SLC6A7: variants seen among roughly 807,000 people sequenced by gnomAD.
SLC6A7 encodes solute carrier family 6 member 7, also known as sodium-dependent proline transporter.
Under a neutral mutation model 73.1 loss-of-function variants are expected in SLC6A7, and 58 were observed. The observed-to-expected ratio is 0.79, with a 90% CI of 0.64 to 0.99. The LOEUF (loss-of-function observed/expected upper bound fraction) is 0.99. Among genes scored for constraint, SLC6A7 ranks in the 50% least tolerant of loss-of-function variants. SLC6A7 has a pLI of 0.00. For missense variants in SLC6A7, 783 were observed against 831.4 expected (o/e 0.94, Z 0.72); for synonymous variants, 338 against 338.7 (o/e 1.00, Z 0.02).
Position 150,190,079 on chromosome 5 carries a change from G to A in SLC6A7, c.-249G>A, listed in dbSNP as rs1752697245. 1 of 413,626 alleles carries A rather than the reference G, an allele frequency of 2.4e-6. No homozygotes were observed. The highest frequency in any genetic ancestry group is 2.1e-5 in the African/African-American group (1 of 47,476). 25.6% of individuals were successfully genotyped at this position (413,626 alleles called of 1,614,324 possible). A position where few individuals can be genotyped will look rare whatever the true frequency, so the allele number is the denominator to read the frequency against. On this transcript the variant is annotated 5_prime_UTR_variant, in exon 1 of 14. In the 5' UTR this introduces an upstream ATG that the reference lacks. Coordinates refer to ENST00000230671, the MANE Select transcript of SLC6A7 (RefSeq NM_014228.5). ...GTCCGTCCGTCAGCTGTCTGTCTGGGTGTCTATGCGGGCGCAGCAGTGCAC... is the reference window on the plus strand; with the variant it reads ...GTCCGTCCGTCAGCTGTCTGTCTGGATGTCTATGCGGGCGCAGCAGTGCAC...
intron 7 of SLC6A7, 64 bp downstream of exon 7, chr5:150,202,514 G>T: frequency 6.2e-7 from 1 of 1,610,416 alleles, no homozygotes; most frequent in Non-Finnish European, 8.5e-7. Flanking sequence ...GCTGGCCAGG[G>T]AGGGCCTCAG....
rs1321103618 is a variant in SLC6A7 at position 150,203,008 on chromosome 5, A to G, written c.1087+305A>G. Reference sequence around the variant, plus strand: ...AGAATCGCTTGAACCCGGGAGGTGGAGGTTGCAATGAGCCAAGATTGGGTC... The same window carrying G: ...AGAATCGCTTGAACCCGGGAGGTGGGGGTTGCAATGAGCCAAGATTGGGTC... On this transcript the variant is annotated intron_variant, in intron 8 of 13. Coordinates refer to ENST00000230671, the MANE Select transcript of SLC6A7 (RefSeq NM_014228.5). Among the ~76,000 whole-genome samples the G allele has an allele frequency of 2.7e-5, 4 of 150,504 alleles. No homozygotes were observed. In the East Asian group the frequency reaches 7.8e-4, roughly 29 times the overall value.
chr5:150,205,606 G>C lies in SLC6A7; in HGVS notation c.1684G>C (p.Glu562Gln). Residue 562 changes from glutamate (E) to glutamine (Q), a missense_variant, in exon 13 of 14, where the codon GAG (glutamate) becomes CAG (glutamine). By Grantham distance (29) the Glu-to-Gln change is conservative (BLOSUM62 2). Coordinates refer to ENST00000230671, the MANE Select transcript of SLC6A7 (RefSeq NM_014228.5). ...CATGCTGGTGGCTGTGCTTCGAGAAGAGGGCTCACTCTGGGAGGTGAGTCT... is the reference window on the plus strand; with the variant it reads ...CATGCTGGTGGCTGTGCTTCGAGAACAGGGCTCACTCTGGGAGGTGAGTCT... ...AGMLVAVLRE[E>Q]GSLWERLQQA... is the part of the protein sequence containing the mutation. 1.2e-6 allele frequency: 2 copies of C among 1,611,122 alleles called. No individual in the cohort carries two copies. Among genetic ancestry groups the C allele is most frequent in the Non-Finnish European group, 1.7e-6 (2 of 1,178,672 alleles).
intron 10 of SLC6A7, 34 bp downstream of exon 10, chr5:150,204,072 C>T (rs770299697): frequency 6.9e-6 from 11 of 1,599,992 alleles, no homozygotes; most frequent in African/African-American, 2.7e-5. Flanking sequence ...GGCAGGTGGG[C>T]GGGACAAGGG....
intron 1 of SLC6A7, among the ~76,000 whole-genome samples, chr5:150,192,007 G>A (rs978529585): frequency 1.3e-5 from 2 of 151,844 alleles, no homozygotes; most frequent in African/African-American, 4.8e-5. Context: ...TTACCTGCTG[G>A]CAGGCTAGGC....
At chr5:150,209,323 G>C (rs1753848599) in intron 13 of SLC6A7, 83 bp from the exon 14 acceptor site, 2 of 1,167,056 alleles carry the variant, frequency 1.7e-6, no homozygotes. Flanking sequence ...GTGGTCAGGT[G>C]TTTGCTGGGT....
In SLC6A7 at chr5:150,204,087, C is replaced by T. The variant is rs780678303; in HGVS notation, c.1332+49C>T. ...GGCAGGTGGGCGGGACAAGGGCAGA[C>T]GCCTGCAACGAGATCTCTGGCCCAG... On this transcript the variant is annotated intron_variant, in intron 10 of 13. Coordinates refer to ENST00000230671, the MANE Select transcript of SLC6A7 (RefSeq NM_014228.5). 7.0e-5 allele frequency: 110 copies of T among 1,563,578 alleles called. No individual in the cohort carries two copies. In the Middle Eastern group the frequency reaches 8.9e-4, roughly 13 times the overall value.
Position 150,203,982 on chromosome 5 carries a change from T to A in SLC6A7, c.1276T>A (p.Phe426Ile). The A allele has an allele frequency of 6.2e-7, 1 of 1,613,846 alleles. No homozygotes were observed. The highest frequency in any genetic ancestry group is 1.1e-5 in the South Asian group (1 of 91,036). ...PYYLRPKKAV[F>I]SGLICVAMYL... Reference sequence around the variant, plus strand: ...CTACCTGCGGCCCAAGAAGGCGGTGTTCTCAGGGCTCATCTGCGTGGCCAT... The same window carrying A: ...CTACCTGCGGCCCAAGAAGGCGGTGATCTCAGGGCTCATCTGCGTGGCCAT... The change falls in exon 10 of 14, where the codon TTC (phenylalanine) becomes ATC (isoleucine). Residue 426 changes from phenylalanine to isoleucine, a missense_variant. By Grantham distance (21) the Phe-to-Ile change is conservative. Coordinates refer to ENST00000230671, the MANE Select transcript of SLC6A7 (RefSeq NM_014228.5).
intron 11 of SLC6A7, 21 bp from the exon 12 acceptor site, chr5:150,204,806 C>T: frequency 6.4e-7 from 1 of 1,563,786 alleles, no homozygotes; most frequent in Non-Finnish European, 8.8e-7. Flanking sequence ...GGGGCCATTC[C>T]TCCTCCCCTC....
At chr5:150,199,789 A>G (rs1753274382) in intron 5 of SLC6A7, among the ~76,000 whole-genome samples, 1 of 152,190 alleles carries the variant, frequency 6.6e-6, no homozygotes, top group African/African-American at 2.4e-5. Flanking sequence ...GGGTTCAATC[A>G]GTGTCATCAG....
Position 150,206,110 on chromosome 5 carries a change from C to G in SLC6A7, c.1701+487C>G, listed in dbSNP as rs1219992555. Among the ~76,000 whole-genome samples the G allele has an allele frequency of 2.6e-5, 4 of 152,322 alleles. No individual in the cohort carries two copies. In the East Asian group the frequency reaches 7.7e-4, roughly 29 times the overall value. On this transcript the variant is annotated intron_variant, in intron 13 of 13. Coordinates refer to ENST00000230671, the MANE Select transcript of SLC6A7 (RefSeq NM_014228.5). ...CTCAGACAAACAGAGAGAGTGCACT[C>G]TGCCACAGGGTCTGAGGCCTTGGAA... is the stretch of plus-strand genomic sequence containing the variant.
intron 13 of SLC6A7, among the ~76,000 whole-genome samples, chr5:150,209,112 C>T (rs1753837617): frequency 6.6e-6 from 1 of 152,234 alleles, no homozygotes; most frequent in African/African-American, 2.4e-5. Context: ...GCCTTCACAA[C>T]AACCCTGTGA....
chr5:150,204,705 G>A, intron 11 of SLC6A7, 74 bp downstream of exon 11: 2 of 1,379,268 alleles, frequency 1.5e-6, no homozygotes, highest in Non-Finnish European at 2.1e-6. Context: ...GGGAGCCCCA[G>A]TACCTGGGTC....
Position 150,197,373 on chromosome 5 carries a change from A to T in SLC6A7, c.584+97A>T, listed in dbSNP as rs1580857139. On this transcript the variant is annotated intron_variant, in intron 4 of 13. Transcript: ENST00000230671. ...CACAGTCTCAGCATGTACCGCCAAGATGAGCTCAGGTGGTGATGGCAGGTG... is the reference window on the plus strand; with the variant it reads ...CACAGTCTCAGCATGTACCGCCAAGTTGAGCTCAGGTGGTGATGGCAGGTG... 22 of 773,360 alleles carry T rather than the reference A, an allele frequency of 2.8e-5. No individual in the cohort carries two copies. The East Asian group carries it at 6.0e-4, about 21-fold the overall frequency. 47.9% of individuals were successfully genotyped at this position (773,360 alleles called of 1,614,324 possible).
rs1198890752 is a variant in SLC6A7 at position 150,197,194 on chromosome 5, G to A, written c.502G>A (p.Glu168Lys). The A allele has an allele frequency of 1.9e-6, 3 of 1,613,856 alleles. No individual in the cohort carries two copies. The highest frequency in any genetic ancestry group is 2.5e-6 in the Non-Finnish European group (3 of 1,180,024). ...GNWWNTELCL[E>K]HRVSKDGNGA... ...CTGGTGGAACACAGAACTCTGCCTG[G>A]AGCACAGAGTCTCCAAGGACGGCAA... Residue 168 changes from glutamate (E) to lysine (K), a missense_variant, in exon 4 of 14, where the codon GAG becomes AAG. By Grantham distance (56) the Glu-to-Lys change is moderately conservative (BLOSUM62 1). Transcript: ENST00000230671.
At chr5:150,201,584 T>A (rs1753385795) in intron 6 of SLC6A7, among the ~76,000 whole-genome samples, 1 of 152,204 alleles carries the variant, frequency 6.6e-6, no homozygotes. Context: ...ATACTTCATT[T>A]ATTATTATTA....
At chr5:150,198,041 A>T (rs770469445) in intron 4 of SLC6A7, among the ~76,000 whole-genome samples, 28 of 147,658 alleles carry the variant, frequency 1.9e-4, no homozygotes, top group Non-Finnish European at 3.9e-4. Flanking sequence ...TGCCTTTAAA[A>T]GAAGAAAGAG....
intron 2 of SLC6A7, among the ~76,000 whole-genome samples, chr5:150,195,939 G>C (rs1043565309): frequency 6.6e-6 from 1 of 152,142 alleles, no homozygotes; most frequent in Non-Finnish European, 1.5e-5. Context: ...CGCAGTTGGT[G>C]GGGGACAGGC....
In SLC6A7 at chr5:150,209,856, C is replaced by T; in HGVS notation, c.*241C>T. Reference sequence around the variant, plus strand: ...ACTCAAAGCTGAGAATGATCCAACTCAGCCCTACTTTGCGGATGGACATAT... The same window carrying T: ...ACTCAAAGCTGAGAATGATCCAACTTAGCCCTACTTTGCGGATGGACATAT... On this transcript the variant is annotated 3_prime_UTR_variant, in exon 14 of 14. Coordinates refer to ENST00000230671, the MANE Select transcript of SLC6A7 (RefSeq NM_014228.5). 1.8e-6 allele frequency: 1 copy of T among 558,176 alleles called. No individual in the cohort carries two copies. The highest frequency in any genetic ancestry group is 3.2e-6 in the Non-Finnish European group (1 of 309,680). The allele number at this position is 558,176 out of a possible 1,614,324, so 34.6% of individuals were successfully genotyped here.
Sources: gnomAD v4.1 joint callset for allele counts (sites outside exome capture counted in the v4.1 genomes callset) on GRCh38, gnomAD v4.1.1 for gene constraint, MANE v1.5 for transcripts, NCBI Gene and HGNC (gene_info 2026-07-23, HGNC 2026-07-21) for gene names.